Variants in KIF13A observed in about 807,000 individuals in gnomAD.
KIF13A encodes the protein kinesin family member 13A, also known as kinesin-like protein KIF13A.
In KIF13A, 79 loss-of-function variants were observed where a neutral mutation model predicts 212.2. The ratio of observed to expected loss-of-function variants is 0.37; its 90% CI spans 0.31 to 0.45. KIF13A has a LOEUF of 0.45. Among genes scored for constraint, KIF13A ranks in the 20% least tolerant of loss-of-function variants. The pLI, the probability that KIF13A is intolerant of heterozygous loss-of-function variation, is 1.00. For synonymous variants in KIF13A, 789 were observed against 808.6 expected, an observed-to-expected ratio of 0.98 and a Z score of 0.41; for missense variants, 1,901 against 2,209.0, an observed-to-expected ratio of 0.86 and a Z score of 2.79.
At chr6:17,824,206 G>T (rs773928587) in intron 16 of KIF13A, among the ~76,000 whole-genome samples, 48 of 151,988 alleles carry the variant, frequency 3.2e-4, no homozygotes, top group Non-Finnish European at 1.2e-4. Context: ...ACCACACCTG[G>T]CCCTACATTT....
chr6:17,963,642 C>T lies in KIF13A; in HGVS notation c.146+23412G>A, dbSNP rs539754603. On this transcript the variant is annotated intron_variant, in intron 2 of 38. Coordinates refer to ENST00000259711, the MANE Select transcript of KIF13A (RefSeq NM_022113.6). This position sits in a 1 kb window ranked among gnomAD's most constrained non-coding sequence, Gnocchi z 4.1. ...CGTGATCGCAGCTTACTGCAACCTC[C>T]GCCTCCTGGGTTCCAACGATTCCCC... Among the ~76,000 whole-genome samples, 6 of 152,180 alleles carry T rather than the reference C, an allele frequency of 3.9e-5. No individual in the cohort carries two copies. The highest frequency in any genetic ancestry group is 7.3e-5 in the Non-Finnish European group (5 of 68,034).
chr6:17,840,106 AC>A, intron 9 of KIF13A, among the ~76,000 whole-genome samples: 1 of 152,292 alleles, frequency 6.6e-6, no homozygotes, highest in East Asian at 1.9e-4. Context: ...TGATTTGGAT[AC>A]AAGGTTTCTT....
intron 13 of KIF13A, 67 bp downstream of exon 13, chr6:17,831,034 C>A: frequency 6.8e-7 from 1 of 1,460,086 alleles, no homozygotes; most frequent in South Asian, 1.3e-5. Context: ...GAGACAGGCA[C>A]CCAGATTCAA....
chr6:17,882,120 C>T (rs751486383), intron 3 of KIF13A: 1 of 456,116 alleles, frequency 2.2e-6, no homozygotes, highest in Non-Finnish European at 4.4e-6. Flanking sequence ...AAGGTGCTTT[C>T]AACTGCATTA....
intron 17 of KIF13A, among the ~76,000 whole-genome samples, chr6:17,813,977 G>C (rs898140913): frequency 7.5e-6 from 1 of 133,848 alleles, no homozygotes; most frequent in Non-Finnish European, 1.5e-5. Context: ...TTTTGAGATG[G>C]AGTCTTGCTC....
At chr6:17,920,852 T>A (rs1454050711) in intron 2 of KIF13A, among the ~76,000 whole-genome samples, 1 of 142,758 alleles carries the variant, frequency 7.0e-6, no homozygotes. Context: ...CCAGCCTGGG[T>A]GATAGGGCAG....
chr6:17,986,882 G>A (rs951467135), intron 2 of KIF13A, among the ~76,000 whole-genome samples, 172 bp downstream of exon 2: 21 of 152,362 alleles, frequency 1.4e-4, no homozygotes, highest in Admixed American at 3.9e-4. Flanking sequence ...GAGGAGAAGG[G>A]GGGCGAGGGA....
At position 17,872,373 on chromosome 6, in the gene KIF13A, T is replaced by G. The variant is rs906557732; in HGVS notation, c.220+1004A>C. Among the ~76,000 whole-genome samples the G allele has an allele frequency of 1.3e-5, 2 of 152,162 alleles. No individual in the cohort carries two copies. Among genetic ancestry groups the G allele is most frequent in the African/African-American group, 4.8e-5 (2 of 41,432 alleles). ...GTCATTCAGCTGATGCTCTTATAAG[T>G]AGAAATAAGGAGAAAACACTCAGTA... On this transcript the variant is annotated intron_variant, in intron 4 of 38. Coordinates refer to ENST00000259711, the MANE Select transcript of KIF13A (RefSeq NM_022113.6). The surrounding 1 kb of genome is among the most constrained non-coding windows in gnomAD (Gnocchi z 4.7).
intron 12 of KIF13A, among the ~76,000 whole-genome samples, chr6:17,832,070 G>T (rs917295657): frequency 1.3e-5 from 2 of 152,058 alleles, no homozygotes; most frequent in Non-Finnish European, 2.9e-5. Flanking sequence ...AGGTGTAGGG[G>T]TATGTGTGGG....
At chr6:17,890,471 G>C (rs1325639417) in intron 3 of KIF13A, among the ~76,000 whole-genome samples, 1 of 151,960 alleles carries the variant, frequency 6.6e-6, no homozygotes, top group Non-Finnish European at 1.5e-5. Flanking sequence ...CTTTGACTGA[G>C]GACACTTCCC....
rs778330975 is a variant in KIF13A at position 17,855,415 on chromosome 6, T to G, written c.494+22A>C. 1.3e-6 allele frequency: 2 copies of G among 1,575,308 alleles called. No individual in the cohort carries two copies. Among genetic ancestry groups the G allele is most frequent in the Non-Finnish European group, 1.7e-6 (2 of 1,157,176 alleles). On this transcript the variant is annotated intron_variant, in intron 6 of 38. Transcript: ENST00000259711. The surrounding 1 kb of genome is among the most constrained non-coding windows in gnomAD (Gnocchi z 4.1). Reference sequence around the variant, plus strand: ...AAATTATCTCCCCCTATTAACACACTTAATCTTGACCACTAACTTACCCTT... The same window carrying G: ...AAATTATCTCCCCCTATTAACACACGTAATCTTGACCACTAACTTACCCTT...
Position 17,836,833 on chromosome 6 carries a change from CAAGCCAGGGAACTTTACCAGCAGGG to C in KIF13A, c.1155+20_1155+44del. The stretch of plus-strand genomic sequence containing the variant: ...GCACACCCTTGCCAGTCAAATCCCG[CAAGCCAGGGAACTTTACCAGCAGGG>C]AGTACCAGGCTGCTTTTACCTCTGC... On this transcript the variant is annotated intron_variant, in intron 11 of 38. Coordinates refer to ENST00000259711, the MANE Select transcript of KIF13A (RefSeq NM_022113.6). 6.4e-7 allele frequency: 1 copy of C among 1,570,766 alleles called. No homozygotes were observed. Among genetic ancestry groups the C allele is most frequent in the Non-Finnish European group, 8.7e-7 (1 of 1,143,932 alleles).
intron 3 of KIF13A, among the ~76,000 whole-genome samples, chr6:17,879,994 G>T (rs1237796695): frequency 6.6e-6 from 1 of 152,098 alleles, no homozygotes; most frequent in Non-Finnish European, 1.5e-5. Flanking sequence ...TAGAGAGAGG[G>T]TCTTGCTCTG....
rs576114077 is a variant in KIF13A at position 17,906,677 on chromosome 6, T to A, written c.147-8497A>T. Among the ~76,000 whole-genome samples the A allele has an allele frequency of 3.3e-5, 5 of 152,192 alleles. No homozygotes were observed. The South Asian group carries it at 1.0e-3, about 32-fold the overall frequency. On this transcript the variant is annotated intron_variant, in intron 2 of 38. Transcript: ENST00000259711. ...ATTGTCCAGGCTGGTCTCGAACTTCTGGGCTCAAGCAATCCTCTTGCCTCA... is the reference window on the plus strand; with the variant it reads ...ATTGTCCAGGCTGGTCTCGAACTTCAGGGCTCAAGCAATCCTCTTGCCTCA...
chr6:17,814,837 T>C (rs772827316), intron 17 of KIF13A, among the ~76,000 whole-genome samples: 16 of 152,318 alleles, frequency 1.1e-4, no homozygotes, highest in Non-Finnish European at 1.8e-4. Flanking sequence ...TTTCCTCCAC[T>C]GTAGGGTCCA....
rs930365621 is a variant in KIF13A at position 17,828,897 on chromosome 6, A to G, written c.1402-527T>C. Among the ~76,000 whole-genome samples, 2 of 152,182 alleles carry G rather than the reference A, an allele frequency of 1.3e-5. No homozygotes were observed. The highest frequency in any genetic ancestry group is 1.3e-4 in the Admixed American group (2 of 15,276). ...ATGCTAAAAATTTTGAATTTCTAAT[A>G]CTGATATTACATACAGTATTAATGC... is the stretch of plus-strand genomic sequence containing the variant. On this transcript the variant is annotated intron_variant, in intron 13 of 38. Transcript: ENST00000259711. This position sits in a 1 kb window ranked among gnomAD's most constrained non-coding sequence, Gnocchi z 4.3.
At chr6:17,845,366 A>T (rs1766919152) in intron 9 of KIF13A, among the ~76,000 whole-genome samples, 1 of 152,196 alleles carries the variant, frequency 6.6e-6, no homozygotes, top group Non-Finnish European at 1.5e-5. Flanking sequence ...AAGTTACTCT[A>T]TTATAACAAA....
intron 12 of KIF13A, among the ~76,000 whole-genome samples, chr6:17,833,737 TC>T (rs1425707157): frequency 6.7e-6 from 1 of 150,138 alleles, no homozygotes; most frequent in Non-Finnish European, 1.5e-5. Flanking sequence ...GCACCTGTAA[TC>T]CCAGCTACTC....
At chr6:17,795,097 GTATTCTT>G (rs1761917828) in intron 23 of KIF13A, 1 of 169,068 alleles carries the variant, frequency 5.9e-6, no homozygotes. Context: ...CACACATTAT[GTATTCTT>G]GTGTCTGGCT....
Sources: allele counts gnomAD v4.1 joint callset (sites outside exome capture counted in the v4.1 genomes callset), GRCh38; gene constraint gnomAD v4.1.1; non-coding constraint Gnocchi (gnomAD v3.1); transcripts MANE v1.5; gene names NCBI Gene and HGNC (gene_info 2026-07-23, HGNC 2026-07-21).